VPS54: variants seen among roughly 807,000 people sequenced by gnomAD.
VPS54 encodes the protein vacuolar protein sorting-associated protein 54.
In VPS54, 45 loss-of-function variants were observed where a neutral mutation model predicts 121.5. That is an observed-to-expected ratio of 0.37 (90% CI 0.29 to 0.47). VPS54 has a LOEUF of 0.47. Among genes scored for constraint, VPS54 ranks in the 20% least tolerant of loss-of-function variants. The pLI is 0.99. For missense variants in VPS54, 1,090 were observed against 1,131.4 expected, an observed-to-expected ratio of 0.96 and a Z score of 0.52; for synonymous variants, 371 against 385.8, an observed-to-expected ratio of 0.96 and a Z score of 0.45.
intron 1 of VPS54, among the ~76,000 whole-genome samples, chr2:63,995,788 T>C (rs938992822): frequency 1.3e-5 from 2 of 152,212 alleles, no homozygotes; most frequent in Admixed American, 6.5e-5. Context: ...ACGAGACTGA[T>C]CATTCATGGG....
intron 1 of VPS54, among the ~76,000 whole-genome samples, chr2:63,998,383 GGA>G (rs986951855): frequency 6.6e-6 from 1 of 152,102 alleles, no homozygotes; most frequent in African/African-American, 2.4e-5. Flanking sequence ...TCTTGTGATT[GGA>G]GAGTTAGTCA....
At position 63,919,927 on chromosome 2, in the gene VPS54, G is replaced by C. The variant is rs767995765; in HGVS notation, c.2120C>G (p.Ser707Cys). 1 of 1,611,716 alleles carries C rather than the reference G, an allele frequency of 6.2e-7. No individual in the cohort carries two copies. Among genetic ancestry groups the C allele is most frequent in the Admixed American group, 1.7e-5 (1 of 59,864 alleles). ...VPAEFQDLVD[S>C]LSDGKIALPE... Reference sequence around the variant, plus strand: ...TAAAGCAATCTTCCCATCTGACAGAGAATCAACAAGATCCTGAAATTCTGC... The same window carrying C: ...TAAAGCAATCTTCCCATCTGACAGACAATCAACAAGATCCTGAAATTCTGC... Residue 707 changes from serine (S) to cysteine (C), a missense_variant, in exon 15 of 23, where the codon TCT becomes TGT. Physicochemically the swap from Ser to Cys is moderately radical, Grantham distance 112. This residue lies in a region of VPS54 where 289 missense variants were observed against 374.4 expected (regional missense o/e 0.77). Coordinates refer to ENST00000272322, the MANE Select transcript of VPS54 (RefSeq NM_016516.3).
intron 20 of VPS54, 126 bp downstream of exon 20, chr2:63,912,219 C>T (rs981820643): frequency 2.1e-6 from 2 of 974,554 alleles, no homozygotes; most frequent in African/African-American, 3.3e-5. Context: ...TAAAATTCTA[C>T]TAATTGGTAA....
At chr2:63,928,835 G>GAAAAAAAAAAA (rs1674045350) in intron 12 of VPS54, among the ~76,000 whole-genome samples, 1 of 85,414 alleles carries the variant, frequency 1.2e-5, no homozygotes, top group African/African-American at 6.4e-5. Context: ...CAAATGGAAA[G>GAAAAAAAAAAA]CAAAAAAAAA....
intron 6 of VPS54, 86 bp from the exon 7 acceptor site, chr2:63,962,529 T>G (rs1480325133): frequency 7.1e-7 from 1 of 1,417,316 alleles, no homozygotes; most frequent in East Asian, 2.4e-5. Context: ...GATAAAAGAT[T>G]TCTACATATA....
chr2:63,909,590 T>C (rs537827940), intron 20 of VPS54, among the ~76,000 whole-genome samples: 13 of 151,716 alleles, frequency 8.6e-5, no homozygotes, highest in Middle Eastern at 3.4e-3. Flanking sequence ...CGGCTAATTT[T>C]TGTATTTTTA....
intron 11 of VPS54, among the ~76,000 whole-genome samples, chr2:63,938,747 G>A (rs947624264): frequency 1.3e-5 from 2 of 152,172 alleles, no homozygotes; most frequent in Non-Finnish European, 1.5e-5. Flanking sequence ...TTACAGGCGT[G>A]AGCCACCACG....
intron 21 of VPS54, among the ~76,000 whole-genome samples, chr2:63,898,101 T>A (rs1157852440): frequency 6.6e-6 from 1 of 152,222 alleles, no homozygotes; most frequent in African/African-American, 2.4e-5. Flanking sequence ...TATATAATAA[T>A]CTATGGAAGT....
intron 1 of VPS54, among the ~76,000 whole-genome samples, chr2:63,996,012 T>G (rs892289644): frequency 2.6e-5 from 4 of 152,202 alleles, no homozygotes; most frequent in African/African-American, 4.8e-5. Context: ...TTCGGAATTA[T>G]GTTTCCCTGT....
chr2:63,954,346 G>T (rs963906123), intron 7 of VPS54, among the ~76,000 whole-genome samples: 9 of 152,086 alleles, frequency 5.9e-5, no homozygotes, highest in African/African-American at 2.2e-4. Flanking sequence ...AAAACACTTT[G>T]CATATAAATC....
intron 4 of VPS54, 117 bp downstream of exon 4, chr2:63,972,049 A>G (rs1218667899): frequency 1.9e-6 from 1 of 528,776 alleles, no homozygotes; most frequent in Non-Finnish European, 3.1e-6. Flanking sequence ...TAGGTTATAA[A>G]AATTTTACTA....
At position 63,929,486 on chromosome 2, in the gene VPS54, T is replaced by C. The variant is rs550062413; in HGVS notation, c.1739+4187A>G. 7.9e-5 allele frequency among the ~76,000 whole-genome samples: 12 copies of C among 152,266 alleles called. No individual in the cohort carries two copies. The East Asian group carries it at 1.2e-3, about 15-fold the overall frequency. ...AACCAATGAGAACAAAGACACAACG[T>C]ACCAGAATCTCTGGGACACATTTAA... On this transcript the variant is annotated intron_variant, in intron 12 of 22. Transcript: ENST00000272322.
chr2:63,913,544 C>T (rs765371219), intron 17 of VPS54, among the ~76,000 whole-genome samples: 2 of 151,970 alleles, frequency 1.3e-5, no homozygotes, highest in African/African-American at 2.4e-5. Context: ...AAAATCAGTT[C>T]GCAGAAATTA....
intron 1 of VPS54, among the ~76,000 whole-genome samples, chr2:63,986,972 C>A (rs1677082305): frequency 6.6e-6 from 1 of 152,190 alleles, no homozygotes; most frequent in Admixed American, 6.5e-5. Flanking sequence ...TGTTATTAAT[C>A]CCTTGTCAGA....
intron 1 of VPS54, among the ~76,000 whole-genome samples, chr2:63,996,943 C>A (rs201944785): frequency 6.6e-6 from 1 of 152,174 alleles, no homozygotes; most frequent in African/African-American, 2.4e-5. Context: ...ACTCCCTCCC[C>A]TTTGAAAATT....
intron 11 of VPS54, among the ~76,000 whole-genome samples, chr2:63,938,059 G>GTGTGTGTGGTGTGTGTGTGT (rs9309357): frequency 3.3e-4 from 46 of 140,478 alleles, no homozygotes; most frequent in African/African-American, 1.2e-3. Flanking sequence ...TGGTGTGTGT[G>GTGTGTGTGGTGTGTGTGTGT]GTGTGTGTGT....
intron 1 of VPS54, among the ~76,000 whole-genome samples, chr2:63,985,399 T>C (rs760182852): frequency 6.6e-5 from 10 of 152,180 alleles, no homozygotes; most frequent in Non-Finnish European, 1.2e-4. Context: ...CTGTTCTAAC[T>C]TCCCTCTAGT....
chr2:63,988,598 A>G (rs547564924), intron 1 of VPS54, among the ~76,000 whole-genome samples: 44 of 152,278 alleles, frequency 2.9e-4, no homozygotes, highest in African/African-American at 1.1e-3. Flanking sequence ...TCTGAACATA[A>G]ATCGTGAAGA....
At chr2:63,974,577 A>C (rs1281524319) in intron 3 of VPS54, among the ~76,000 whole-genome samples, 2 of 152,178 alleles carry the variant, frequency 1.3e-5, no homozygotes, top group African/African-American at 4.8e-5. Flanking sequence ...CACATATATG[A>C]AATATCTCTC....
Sources: allele counts gnomAD v4.1 joint callset (sites outside exome capture counted in the v4.1 genomes callset), GRCh38; gene constraint gnomAD v4.1.1; regional missense constraint gnomAD v4.1.1; transcripts MANE v1.5; gene names NCBI Gene and HGNC (gene_info 2026-07-23, HGNC 2026-07-21).